The following SLIT3 variants were observed in gnomAD, a reference collection of about 807,000 sequenced individuals.
SLIT3 encodes the protein slit guidance ligand 3.
In SLIT3, 68 loss-of-function variants were observed where a neutral mutation model predicts 184.0. That is an observed-to-expected ratio of 0.37 (90% CI 0.30 to 0.45). The LOEUF (loss-of-function observed/expected upper bound fraction) is 0.45. Among genes scored for constraint, SLIT3 ranks in the 20% least tolerant of loss-of-function variants. The probability of loss-of-function intolerance (pLI) is 1.00; values close to 1 mark genes in which losing one functional copy is unlikely to be tolerated. For synonymous variants in SLIT3, 831 were observed against 828.6 expected (o/e 1.00, Z -0.05); for missense variants, 1,707 against 2,026.0 (o/e 0.84, Z 3.02).
At chr5:169,158,473 T>TAA (rs545909635) in intron 4 of SLIT3, among the ~76,000 whole-genome samples, 136 of 150,824 alleles carry the variant, frequency 9.0e-4, no homozygotes, top group African/African-American at 3.0e-3. Flanking sequence ...AAAAGATGGC[T>TAA]AAAAAAAAAT....
Position 168,968,735 on chromosome 5 carries a change from ACC to A in SLIT3, c.414-85401_414-85400del, listed in dbSNP as rs1205288696. On this transcript the variant is annotated intron_variant, in intron 4 of 35. Transcript: ENST00000519560. Reference sequence around the variant, plus strand: ...TAACTTCACACTGTCTTGGCTACACACCTCTGTAGGTCTTTGCCCTACTGAGC... The same window carrying A: ...TAACTTCACACTGTCTTGGCTACACATCTGTAGGTCTTTGCCCTACTGAGC... Among the ~76,000 whole-genome samples the A allele has an allele frequency of 3.9e-5, 6 of 152,122 alleles. No individual in the cohort carries two copies. The East Asian group carries it at 1.2e-3, about 29-fold the overall frequency.
chr5:168,696,946 C>T (rs73802368), intron 27 of SLIT3, among the ~76,000 whole-genome samples: 3,810 of 152,166 alleles, frequency 0.025, 157 homozygotes, highest in African/African-American at 0.087. Flanking sequence ...AGACTCTGTA[C>T]CCAGGTTTCC....
chr5:169,012,814 T>C (rs1756206352), intron 4 of SLIT3: 1 of 152,202 alleles, frequency 6.6e-6, no homozygotes, highest in African/African-American at 2.4e-5. Flanking sequence ...GGCAAAGATG[T>C]AAAGAATATG....
intron 4 of SLIT3, among the ~76,000 whole-genome samples, chr5:169,173,786 T>C (rs1762886783): frequency 6.6e-6 from 1 of 152,268 alleles, no homozygotes; most frequent in African/African-American, 2.4e-5. Context: ...GAAGGCTGAC[T>C]GTCATCTTTT....
intron 4 of SLIT3, among the ~76,000 whole-genome samples, chr5:168,931,713 CTAAG>C (rs1761992161): frequency 6.6e-6 from 1 of 152,188 alleles, no homozygotes; most frequent in African/African-American, 2.4e-5. Context: ...CTACATTGTG[CTAAG>C]TAAGTGTCAG....
chr5:168,970,750 T>G (rs1221555907), intron 4 of SLIT3, among the ~76,000 whole-genome samples: 4 of 152,224 alleles, frequency 2.6e-5, no homozygotes, highest in African/African-American at 9.6e-5. Context: ...GATCCTCTTT[T>G]TCTTACTATA....
chr5:169,185,436 G>A (rs1402438993), intron 4 of SLIT3, among the ~76,000 whole-genome samples: 1 of 152,194 alleles, frequency 6.6e-6, no homozygotes, highest in African/African-American at 2.4e-5. Context: ...CTTCAGGCAG[G>A]GGGGCAGCCT....
intron 25 of SLIT3, among the ~76,000 whole-genome samples, chr5:168,709,681 G>A (rs920237815): frequency 6.9e-6 from 1 of 145,240 alleles, no homozygotes; most frequent in Non-Finnish European, 1.5e-5. Flanking sequence ...AGTTTGAGAG[G>A]GTAATTAAAG....
At chr5:168,789,489 A>T in intron 11 of SLIT3, 71 bp downstream of exon 11, 1 of 1,174,714 alleles carries the variant, frequency 8.5e-7, no homozygotes, top group Non-Finnish European at 1.2e-6. Context: ...CCTGAGAAAT[A>T]TGGTTGCGTC....
chr5:169,097,497 A>G (rs897849060), intron 4 of SLIT3, among the ~76,000 whole-genome samples: 2 of 152,148 alleles, frequency 1.3e-5, no homozygotes, highest in African/African-American at 2.4e-5. Flanking sequence ...AAAGAATCCC[A>G]CTGTGACATG....
chr5:168,820,902 T>C (rs1487584041), intron 7 of SLIT3, among the ~76,000 whole-genome samples: 5 of 152,192 alleles, frequency 3.3e-5, no homozygotes, highest in Non-Finnish European at 5.9e-5. Context: ...AAATCCCATT[T>C]ATGGCTTCCT....
At chr5:168,974,612 C>G (rs950612570) in intron 4 of SLIT3, among the ~76,000 whole-genome samples, 1 of 152,174 alleles carries the variant, frequency 6.6e-6, no homozygotes, top group South Asian at 2.1e-4. Context: ...AGAACTTTTC[C>G]TCTTAGAAGA....
intron 29 of SLIT3, among the ~76,000 whole-genome samples, 169 bp from the exon 30 acceptor site, chr5:168,687,285 G>A (rs1000965085): frequency 9.9e-5 from 15 of 152,228 alleles, no homozygotes; most frequent in Non-Finnish European, 1.6e-4. Flanking sequence ...GTGGCCCATG[G>A]CCTTTGTTCC....
intron 32 of SLIT3, among the ~76,000 whole-genome samples, chr5:168,676,597 AC>A (rs1761419388): frequency 6.6e-6 from 1 of 152,182 alleles, no homozygotes; most frequent in Admixed American, 6.5e-5. Context: ...GAGACCATAA[AC>A]TTGTGACCTT....
intron 1 of SLIT3, among the ~76,000 whole-genome samples, chr5:169,252,242 T>C (rs964904930): frequency 6.6e-6 from 1 of 152,226 alleles, no homozygotes; most frequent in Non-Finnish European, 1.5e-5. Flanking sequence ...ACATAGTAGA[T>C]AGAGTATGTG....
At chr5:169,020,700 C>T (rs1053000145) in intron 4 of SLIT3, among the ~76,000 whole-genome samples, 5 of 152,210 alleles carry the variant, frequency 3.3e-5, no homozygotes, top group African/African-American at 1.2e-4. Flanking sequence ...ATTCAGAACA[C>T]ATTTACCATC....
intron 20 of SLIT3, 95 bp from the exon 21 acceptor site, chr5:168,724,579 A>G (rs1763047041): frequency 5.3e-6 from 5 of 936,488 alleles, no homozygotes; most frequent in Middle Eastern, 2.2e-4. Context: ...AGGCTGGATT[A>G]GGTCCCTCTT....
intron 3 of SLIT3, among the ~76,000 whole-genome samples, chr5:169,209,497 A>G (rs879018075): frequency 6.6e-6 from 1 of 152,246 alleles, no homozygotes; most frequent in Non-Finnish European, 1.5e-5. Context: ...ATGCACATGT[A>G]TGTTTATTGC....
chr5:168,874,555 A>G (rs1310134754), intron 5 of SLIT3, among the ~76,000 whole-genome samples: 1 of 152,186 alleles, frequency 6.6e-6, no homozygotes, highest in Non-Finnish European at 1.5e-5. Flanking sequence ...GTTATAACGC[A>G]GGGAGGGGTG....
Sources: gnomAD v4.1 joint callset for allele counts (sites outside exome capture counted in the v4.1 genomes callset) on GRCh38, gnomAD v4.1.1 for gene constraint, MANE v1.5 for transcripts, NCBI Gene and HGNC (gene_info 2026-07-23, HGNC 2026-07-21) for gene names.